RBFOX1: variants seen among roughly 807,000 people sequenced by gnomAD.
RBFOX1 encodes RNA binding fox-1 homolog 1.
A neutral mutation model predicts 57.7 loss-of-function variants in RBFOX1; 8 were observed. The observed-to-expected ratio is 0.14, with a 90% CI of 0.08 to 0.25. RBFOX1 has a LOEUF of 0.25. RBFOX1 is among the 10% of genes least tolerant of loss of function. The pLI, the probability that RBFOX1 is intolerant of heterozygous loss-of-function variation, is 1.00. For missense variants in RBFOX1, 611 were observed against 548.5 expected, an observed-to-expected ratio of 1.11 and a Z score of -1.14; for synonymous variants, 326 against 222.4, an observed-to-expected ratio of 1.47 and a Z score of -4.15.
intron 1 of RBFOX1, among the ~76,000 whole-genome samples, chr16:6,237,364 A>G (rs919675116): frequency 2.6e-5 from 4 of 152,176 alleles, no homozygotes; most frequent in South Asian, 2.1e-4. Context: ...TTATATGGCC[A>G]GGTCTGACCC....
chr16:6,577,665 T>G (rs1180186188), intron 2 of RBFOX1, among the ~76,000 whole-genome samples: 1 of 152,136 alleles, frequency 6.6e-6, no homozygotes, highest in African/African-American at 2.4e-5. Flanking sequence ...AATAAGTAGT[T>G]CCACATGGTC....
intron 3 of RBFOX1, among the ~76,000 whole-genome samples, chr16:6,740,102 A>G (rs541156407): frequency 6.6e-6 from 1 of 152,328 alleles, no homozygotes; most frequent in East Asian, 1.9e-4. Context: ...GTAATACAAT[A>G]CTAATTCAGT....
chr16:5,447,532 G>T (rs2068286058), intron 1 of RBFOX1, among the ~76,000 whole-genome samples: 5 of 152,056 alleles, frequency 3.3e-5, no homozygotes, highest in Admixed American at 2.0e-4. Context: ...CGAATAGCTG[G>T]GATTACAGGC....
At chr16:6,493,964 C>T (rs1008633721) in intron 2 of RBFOX1, among the ~76,000 whole-genome samples, 1 of 152,166 alleles carries the variant, frequency 6.6e-6, no homozygotes, top group East Asian at 1.9e-4. Context: ...TGATATTTTC[C>T]TGTATACCAG....
At chr16:7,201,525 A>T (rs541775251) in intron 4 of RBFOX1, among the ~76,000 whole-genome samples, 7 of 151,402 alleles carry the variant, frequency 4.6e-5, no homozygotes, top group African/African-American at 1.5e-4. Flanking sequence ...GCAATGGCAC[A>T]ATCTGGGCTC....
At chr16:5,731,594 A>G (rs1038870244) in intron 3 of RBFOX1, among the ~76,000 whole-genome samples, 3 of 152,234 alleles carry the variant, frequency 2.0e-5, no homozygotes, top group African/African-American at 7.2e-5. Context: ...ATATAGCTCA[A>G]GAATGTGGGC....
At chr16:7,135,082 G>C (rs752466431) in intron 4 of RBFOX1, among the ~76,000 whole-genome samples, 5 of 152,106 alleles carry the variant, frequency 3.3e-5, no homozygotes, top group South Asian at 4.1e-4. Flanking sequence ...CTTCACATTT[G>C]GTAAAACTGA....
intron 3 of RBFOX1, among the ~76,000 whole-genome samples, chr16:6,659,242 T>TGTCAGAGG (rs1555662849): frequency 9.0e-4 from 1 of 1,116 alleles, no homozygotes; most frequent in East Asian, 0.026. Context: ...AGAGCCCATT[T>TGTCAGAGG]TATAAACACA....
chr16:7,285,047 C>T (rs1181018901), intron 4 of RBFOX1, among the ~76,000 whole-genome samples: 2 of 149,764 alleles, frequency 1.3e-5, no homozygotes, highest in African/African-American at 2.5e-5. Flanking sequence ...AGTCTCAATC[C>T]AGCCCTTTGC....
At chr16:7,470,074 CAT>C (rs1599229289) in intron 4 of RBFOX1, among the ~76,000 whole-genome samples, 1 of 150,458 alleles carries the variant, frequency 6.6e-6, no homozygotes, top group Non-Finnish European at 1.5e-5. Flanking sequence ...GTATATAACA[CAT>C]GTTATCTGTT....
intron 1 of RBFOX1, among the ~76,000 whole-genome samples, chr16:6,096,324 A>G (rs1160897828): frequency 6.6e-6 from 1 of 152,162 alleles, no homozygotes; most frequent in African/African-American, 2.4e-5. Flanking sequence ...GTCCTTCAGG[A>G]AAATCGTTCC....
chr16:6,677,988 G>A (rs1396225114), intron 3 of RBFOX1, among the ~76,000 whole-genome samples: 1 of 152,170 alleles, frequency 6.6e-6, no homozygotes, highest in Non-Finnish European at 1.5e-5. Flanking sequence ...AAACATATAT[G>A]TAATGTTACA....
At chr16:5,629,798 A>G (rs2191094) in intron 3 of RBFOX1, among the ~76,000 whole-genome samples, 13,221 of 152,242 alleles carry the variant, frequency 0.087, 1,877 homozygotes, top group African/African-American at 0.3. Flanking sequence ...AACAGAGCCA[A>G]ATGGCTAAGA....
In RBFOX1 at chr16:7,063,944, A is replaced by C. The variant is rs548971594; in HGVS notation, c.27+11846A>C. Among the ~76,000 whole-genome samples the C allele has an allele frequency of 2.6e-3, 403 of 152,298 alleles. 1 individual carries two copies. Among genetic ancestry groups the C allele is most frequent in the Non-Finnish European group, 4.2e-3 (288 of 68,028 alleles). On this transcript the variant is annotated intron_variant, in intron 4 of 15. Transcript: ENST00000550418. ...AGCATCCATGGACTTTGGTATTCGC[A>C]GGAAGTCTTGACACCAAGGTCCATG...
chr16:6,433,586 C>T (rs1456788461), intron 2 of RBFOX1, among the ~76,000 whole-genome samples: 1 of 152,186 alleles, frequency 6.6e-6, no homozygotes, highest in African/African-American at 2.4e-5. Context: ...AAGCAAGAAC[C>T]TTATGAACGT....
At chr16:5,304,277 G>A (rs560590309) in intron 1 of RBFOX1, among the ~76,000 whole-genome samples, 1 of 152,310 alleles carries the variant, frequency 6.6e-6, no homozygotes, top group South Asian at 2.1e-4. Flanking sequence ...TTTACACATT[G>A]GTAGCATCCT....
At chr16:6,576,454 CAT>C (rs1364336814) in intron 2 of RBFOX1, among the ~76,000 whole-genome samples, 2 of 152,182 alleles carry the variant, frequency 1.3e-5, no homozygotes, top group Admixed American at 6.5e-5. Flanking sequence ...AACATTGTAA[CAT>C]AATATTATTC....
At chr16:5,639,711 G>A (rs1389228494) in intron 3 of RBFOX1, among the ~76,000 whole-genome samples, 3 of 152,188 alleles carry the variant, frequency 2.0e-5, no homozygotes, top group African/African-American at 4.8e-5. Context: ...GGTGGCTGAG[G>A]TGGGAGGCTG....
chr16:5,835,027 G>A (rs2056415048), intron 3 of RBFOX1, among the ~76,000 whole-genome samples: 1 of 152,154 alleles, frequency 6.6e-6, no homozygotes, highest in Non-Finnish European at 1.5e-5. Context: ...CGTTTTTTAA[G>A]TCAGTAAACA....
Sources: gnomAD v4.1 joint callset for allele counts (sites outside exome capture counted in the v4.1 genomes callset) on GRCh38, gnomAD v4.1.1 for gene constraint, MANE v1.5 for transcripts, NCBI Gene and HGNC (gene_info 2026-07-23, HGNC 2026-07-21) for gene names.